ZNF266: variants seen among roughly 807,000 people sequenced by gnomAD.
ZNF266 encodes the protein zinc finger protein 1.
Under a neutral mutation model 16.4 loss-of-function variants are expected in ZNF266, and 16 were observed. That is an observed-to-expected ratio of 0.98 (90% CI 0.66 to 1.48). ZNF266 has a LOEUF of 1.48. ZNF266 is among the 40% of genes most tolerant of loss of function. ZNF266 has a pLI of 0.00. For missense variants in ZNF266, 738 were observed against 689.1 expected (o/e 1.07, Z -0.79); for synonymous variants, 262 against 237.9 (o/e 1.10, Z -0.93).
At chr19:9,433,217 C>T (rs2071900693) in intron 5 of ZNF266, among the ~76,000 whole-genome samples, 1 of 152,158 alleles carries the variant, frequency 6.6e-6, no homozygotes, top group South Asian at 2.1e-4. Context: ...TTATAATTAA[C>T]AGACATTATT....
At chr19:9,434,597 G>A (rs2072168139) in intron 3 of ZNF266, among the ~76,000 whole-genome samples, 2 of 152,160 alleles carry the variant, frequency 1.3e-5, no homozygotes, top group South Asian at 4.1e-4. Flanking sequence ...ACTTGGATAC[G>A]TAATAGATCC....
rs1285010215 is a variant in ZNF266, at chr19:9,414,699, C to A, written c.427G>T (p.Glu143Ter). The change falls in exon 11 of 11, where the codon GAG becomes TAG. Residue 143 changes from glutamate to a stop codon, truncating the protein, a stop_gained. Coordinates refer to ENST00000592904, the MANE Select transcript of ZNF266 (RefSeq NM_001370374.1). LOFTEE classifies it low-confidence loss of function (END_TRUNC). The part of the protein sequence containing the change: ...IQMIGSHNGG[E>*]VSDVKQCGDV... ...CCACATTGCTTAACATCACTGACCTCCCCTCCGTTGTGGCTTCCTATCTGT... is the reference window on the plus strand; with the variant it reads ...CCACATTGCTTAACATCACTGACCTACCCTCCGTTGTGGCTTCCTATCTGT... 1.9e-6 allele frequency: 3 copies of A among 1,575,598 alleles called. No homozygotes were observed. Among genetic ancestry groups the A allele is most frequent in the Admixed American group, 1.7e-5 (1 of 57,274 alleles).
rs2068691907 is a variant in ZNF266, at chr19:9,414,516, CT to C, written c.609del (p.Ala204ProfsTer4). On this transcript the variant is annotated frameshift_variant, in exon 11 of 11. Coordinates refer to ENST00000592904, the MANE Select transcript of ZNF266 (RefSeq NM_001370374.1). LOFTEE classifies it low-confidence loss of function (END_TRUNC). ...EQRSVFSQCG[K>X]AFSLNPDVVC... ...ACAACATCTGGGTTCAGGCTGAAGG[CT>C]TTTCCACACTGACTAAATACAGAAC... is the stretch of plus-strand genomic sequence containing the variant. 7 of 1,614,046 alleles carry C rather than the reference CT, an allele frequency of 4.3e-6. No homozygotes were observed. Among genetic ancestry groups the C allele is most frequent in the Non-Finnish European group, 2.5e-6 (3 of 1,179,998 alleles).
rs749924383 is a variant in ZNF266, at chr19:9,412,862, G to C, written c.*413C>G. On this transcript the variant is annotated 3_prime_UTR_variant, in exon 11 of 11. Coordinates refer to ENST00000592904, the MANE Select transcript of ZNF266 (RefSeq NM_001370374.1). ...CTCATTTGAAGTTACTCACCTGTTT[G>C]AAAACCCTATGTCCAAATACAGTTA... 22 of 166,154 alleles carry C rather than the reference G, an allele frequency of 1.3e-4. No homozygotes were observed. Among genetic ancestry groups the C allele is most frequent in the Admixed American group, 5.8e-5 (1 of 17,306 alleles). 10.3% of individuals were successfully genotyped at this position (166,154 alleles called of 1,614,324 possible). A position where few individuals can be genotyped will look rare whatever the true frequency, so the allele number is the denominator to read the frequency against.
chr19:9,417,269 C>T (rs145592835), intron 9 of ZNF266, among the ~76,000 whole-genome samples: 7 of 151,962 alleles, frequency 4.6e-5, no homozygotes, highest in East Asian at 3.9e-4. Context: ...CTCGGGAGGA[C>T]GAGTACTCAG....
chr19:9,421,671 T>C (rs2069906106), intron 5 of ZNF266, among the ~76,000 whole-genome samples: 1 of 152,170 alleles, frequency 6.6e-6, no homozygotes, highest in African/African-American at 2.4e-5. Context: ...CCTATCTTCA[T>C]TTTTCTCTAC....
chr19:9,414,606 C>T lies in ZNF266; in HGVS notation c.520G>A (p.Glu174Lys), dbSNP rs1030953658. The T allele has an allele frequency of 1.2e-6, 2 of 1,612,286 alleles. No homozygotes were observed. The highest frequency in any genetic ancestry group is 1.7e-6 in the Non-Finnish European group (2 of 1,178,390). ...AAGTCTACTCCATACAGATAACACT[C>T]AAATGTGTTCTCACTATTTTGAGTT... is the stretch of plus-strand genomic sequence containing the variant. ...VRTQNSENTF[E>K]CYLYGVDFLT... Residue 174 changes from glutamate (E) to lysine (K), a missense_variant, in exon 11 of 11, where the codon GAG becomes AAG. Glu to Lys is a moderately conservative substitution (Grantham distance 56). Coordinates refer to ENST00000592904, the MANE Select transcript of ZNF266 (RefSeq NM_001370374.1).
rs1279438232 is a variant in ZNF266, at chr19:9,417,136, CAA to C, written c.316+690_316+691del. Among the ~76,000 whole-genome samples, 4 of 151,524 alleles carry C rather than the reference CAA, an allele frequency of 2.6e-5. No individual in the cohort carries two copies. The East Asian group carries it at 8.0e-4, about 30-fold the overall frequency. Reference sequence around the variant, plus strand: ...CTGTAATCCCAGCACTTTGGGAGGCCAAGGCAGGTGGATCACTTGAAGTCAGG... The same window carrying C: ...CTGTAATCCCAGCACTTTGGGAGGCCGGCAGGTGGATCACTTGAAGTCAGG... On this transcript the variant is annotated intron_variant, in intron 9 of 10. Coordinates refer to ENST00000592904, the MANE Select transcript of ZNF266 (RefSeq NM_001370374.1).
At position 9,422,380 on chromosome 19, in the gene ZNF266, C is replaced by A. The variant is rs559795012; in HGVS notation, c.-129-2162G>T. On this transcript the variant is annotated intron_variant, in intron 5 of 10. Transcript: ENST00000592904. ...TCCTTCTCAACACTGTTAAAGTACACCCAGACTACAGCCCCATCACAATTC... is the reference window on the plus strand; with the variant it reads ...TCCTTCTCAACACTGTTAAAGTACAACCAGACTACAGCCCCATCACAATTC... 2.0e-5 allele frequency among the ~76,000 whole-genome samples: 3 copies of A among 152,280 alleles called. No homozygotes were observed. The East Asian group carries it at 5.8e-4, about 29-fold the overall frequency.
chr19:9,423,948 G>A (rs955436662), intron 5 of ZNF266, among the ~76,000 whole-genome samples: 19 of 152,300 alleles, frequency 1.2e-4, no homozygotes, highest in Admixed American at 1.2e-3. Flanking sequence ...AGTGAGCCGA[G>A]ATTGTGCCAC....
At chr19:9,418,176 G>A (rs2069348911) in intron 8 of ZNF266, among the ~76,000 whole-genome samples, 1 of 152,158 alleles carries the variant, frequency 6.6e-6, no homozygotes, top group South Asian at 2.1e-4. Context: ...CATTCTCATG[G>A]GAAACAACTA....
chr19:9,431,290 G>A (rs940110413), intron 5 of ZNF266, among the ~76,000 whole-genome samples: 1 of 152,178 alleles, frequency 6.6e-6, no homozygotes, highest in African/African-American at 2.4e-5. Context: ...CCCTGGCCCA[G>A]TCACCACCAC....
rs765830923 is a variant in ZNF266, at chr19:9,413,780, C to A, written c.1346G>T (p.Cys449Phe). The stretch of plus-strand genomic sequence containing the variant: ...GGCAAAGGCCTTTCCACATTCCTTA[C>A]ATTCATAGGGCCTCTCTCCACTGTG... ...RTHSGERPYE[C>F]KECGKAFARS... The change falls in exon 11 of 11, where the codon TGT (cysteine) becomes TTT (phenylalanine). Residue 449 changes from cysteine to phenylalanine, a missense_variant. Transcript: ENST00000592904. The A allele has an allele frequency of 7.4e-6, 12 of 1,614,042 alleles. No homozygotes were observed.
chr19:9,413,790 G>A lies in ZNF266; in HGVS notation c.1336C>T (p.Pro446Ser). The A allele has an allele frequency of 1.2e-6, 2 of 1,614,106 alleles. No individual in the cohort carries two copies. The highest frequency in any genetic ancestry group is 1.7e-6 in the Non-Finnish European group (2 of 1,179,996). ...KHARTHSGER[P>S]YECKECGKAF... ...TTTCCACATTCCTTACATTCATAGG[G>A]CCTCTCTCCACTGTGAGTTCGTGCA... is the stretch of plus-strand genomic sequence containing the variant. Residue 446 changes from proline to serine, a missense_variant, in exon 11 of 11, where the codon CCC becomes TCC. Pro to Ser is a moderately conservative substitution (Grantham distance 74). Transcript: ENST00000592904.
Position 9,413,462 on chromosome 19 carries a change from CCA to C in ZNF266, c.1662_1663del (p.Gly555ArgfsTer7). 1 of 1,614,036 alleles carries C rather than the reference CCA, an allele frequency of 6.2e-7. No homozygotes were observed. Among genetic ancestry groups the C allele is most frequent in the Non-Finnish European group, 8.5e-7 (1 of 1,180,004 alleles). ...CTGTTTACATTTGTAGGGTTTTTCT[CCA>C]GTGTGGATCCGCATGTGAAGGTTAA... On this transcript the variant is annotated frameshift_variant, in exon 11 of 11. Coordinates refer to ENST00000592904, the MANE Select transcript of ZNF266 (RefSeq NM_001370374.1). LOFTEE classifies it low-confidence loss of function (END_TRUNC).
At position 9,413,406 on chromosome 19, in the gene ZNF266, A is replaced by G; in HGVS notation, c.1720T>C (p.Phe574Leu). The change falls in exon 11 of 11, where the codon TTT becomes CTT. Residue 574 changes from phenylalanine to leucine, a missense_variant. Transcript: ENST00000592904. ...GTGTGAGTTCGTTCATGTAACTGAA[A>G]CGAATTGGAGTAACTGAAGGATTTC... ...CGKSFSYSNS[F>L]QLHERTHTGE... is the part of the protein sequence containing the mutation. 6.2e-7 allele frequency: 1 copy of G among 1,608,060 alleles called. No homozygotes were observed. The highest frequency in any genetic ancestry group is 8.5e-7 in the Non-Finnish European group (1 of 1,178,074).
At chr19:9,422,066 T>G (rs1025090607) in intron 5 of ZNF266, among the ~76,000 whole-genome samples, 3 of 152,194 alleles carry the variant, frequency 2.0e-5, no homozygotes, top group Non-Finnish European at 4.4e-5. Flanking sequence ...TCAGCCAGGA[T>G]GGTCTCGATC....
chr19:9,427,501 A>AT (rs576978370), intron 5 of ZNF266, among the ~76,000 whole-genome samples: 187 of 151,438 alleles, frequency 1.2e-3, no homozygotes, highest in African/African-American at 4.1e-3. Context: ...ATATATATAT[A>AT]TTTTAAGTAG....
At chr19:9,425,272 G>A (rs1188892419) in intron 5 of ZNF266, among the ~76,000 whole-genome samples, 1 of 152,204 alleles carries the variant, frequency 6.6e-6, no homozygotes, top group Admixed American at 6.5e-5. Flanking sequence ...TATCCCACAG[G>A]TTGAACACCC....
Sources: gnomAD v4.1 joint callset for allele counts (sites outside exome capture counted in the v4.1 genomes callset) on GRCh38, gnomAD v4.1.1 for gene constraint, MANE v1.5 for transcripts, NCBI Gene and HGNC (gene_info 2026-07-23, HGNC 2026-07-21) for gene names.